Variants in OPHN1 observed in about 807,000 individuals in gnomAD.
OPHN1 encodes the protein oligophrenin 1, also known as oligophrenin-1.
A neutral mutation model predicts 60.7 loss-of-function variants in OPHN1; 11 were observed. That is an observed-to-expected ratio of 0.18 (90% CI 0.11 to 0.30). The LOEUF is 0.30. Ranked by LOEUF, OPHN1 falls within the 10% of genes least tolerant of loss-of-function variation. The pLI, the probability that OPHN1 is intolerant of heterozygous loss-of-function variation, is 1.00. For missense variants in OPHN1, 449 were observed against 611.0 expected (o/e 0.73, Z 2.80); for synonymous variants, 226 against 222.6 (o/e 1.02, Z -0.14).
rs2076819735 is a variant in OPHN1, at chrX:68,042,681, A to G, written c.*4491T>C. On this transcript the variant is annotated 3_prime_UTR_variant, in exon 25 of 25. Transcript: ENST00000355520. ...CAAAACCACTATGAGATATCATCTC[A>G]CACCAGTTAGAATGGCAATCATTAA... The G allele has an allele frequency of 3.2e-5, 3 of 92,327 alleles. No homozygotes were observed. The South Asian group carries it at 1.9e-3, about 58-fold the overall frequency. 7.6% of individuals were successfully genotyped at this position (92,327 alleles called of 1,213,427 possible).
intron 20 of OPHN1, chrX:68,071,657 G>A (rs1160868868): frequency 3.7e-6 from 2 of 546,168 alleles, no homozygotes; most frequent in East Asian, 6.6e-5. Flanking sequence ...TAATCCTCTG[G>A]TTGTTTGTTA....
At chrX:68,261,358 C>A (rs763003847) in intron 5 of OPHN1, among the ~76,000 whole-genome samples, 2 of 111,819 alleles carry the variant, frequency 1.8e-5, no homozygotes, top group Non-Finnish European at 3.8e-5. Flanking sequence ...ATGACTGAGT[C>A]TTTATTCTGC....
chrX:68,054,396 T>C lies in OPHN1; in HGVS notation c.2159-586A>G, dbSNP rs947589796. ...ATAGTGAAACAGGTAAACTCACACA[T>C]TGCTGGTGGCAATGTGAACTGGGCT... On this transcript the variant is annotated intron_variant, in intron 21 of 24. Coordinates refer to ENST00000355520, the MANE Select transcript of OPHN1 (RefSeq NM_002547.3). 2.7e-5 allele frequency among the ~76,000 whole-genome samples: 3 copies of C among 110,827 alleles called. No homozygotes were observed. The South Asian group carries it at 1.2e-3, about 43-fold the overall frequency.
chrX:68,332,264 G>C (rs1034500355), intron 2 of OPHN1, among the ~76,000 whole-genome samples: 3 of 110,945 alleles, frequency 2.7e-5, no homozygotes, highest in African/African-American at 9.8e-5. Context: ...CATGACGTTT[G>C]TGGCAGCAAC....
intron 15 of OPHN1, among the ~76,000 whole-genome samples, chrX:68,155,598 A>G (rs1285070204): frequency 1.8e-5 from 2 of 112,199 alleles, no homozygotes; most frequent in African/African-American, 6.5e-5. Flanking sequence ...TCTTTACAGC[A>G]GTGTAAAAAC....
chrX:68,166,650 A>C (rs1221379699), intron 15 of OPHN1, among the ~76,000 whole-genome samples: 1 of 112,356 alleles, frequency 8.9e-6, no homozygotes, highest in Non-Finnish European at 1.9e-5. Flanking sequence ...CTACACAGCT[A>C]TAGTAACCAA....
At chrX:68,279,237 C>T (rs1421901512) in intron 4 of OPHN1, among the ~76,000 whole-genome samples, 6 of 102,284 alleles carry the variant, frequency 5.9e-5, no homozygotes, top group Non-Finnish European at 1.2e-4. Flanking sequence ...CTCAGCCTCC[C>T]GAGTAGCTGG....
chrX:68,369,769 A>T (rs1411082911), intron 2 of OPHN1, among the ~76,000 whole-genome samples: 1 of 108,665 alleles, frequency 9.2e-6, no homozygotes, highest in East Asian at 2.9e-4. Flanking sequence ...ATGGCCAAAA[A>T]TGTCCCCAAT....
chrX:68,093,276 C>G (rs1190661657), intron 19 of OPHN1, among the ~76,000 whole-genome samples: 2 of 111,688 alleles, frequency 1.8e-5, no homozygotes, highest in African/African-American at 6.5e-5. Context: ...TGACCCTGGA[C>G]AAGTCACTTA....
intron 16 of OPHN1, among the ~76,000 whole-genome samples, chrX:68,117,919 A>G (rs772828925): frequency 8.5e-4 from 95 of 112,118 alleles, no homozygotes; most frequent in African/African-American, 2.9e-3. Flanking sequence ...GAATAATGCA[A>G]TGTGGGGAAG....
chrX:68,088,411 T>C, intron 19 of OPHN1, among the ~76,000 whole-genome samples: 1 of 112,024 alleles, frequency 8.9e-6, no homozygotes, highest in Non-Finnish European at 1.9e-5. Context: ...GTGAGTTTTC[T>C]ACTAAGAATG....
intron 15 of OPHN1, among the ~76,000 whole-genome samples, chrX:68,136,787 T>C (rs954321306): frequency 8.9e-6 from 1 of 112,054 alleles, no homozygotes; most frequent in Non-Finnish European, 1.9e-5. Flanking sequence ...ATAGTATCAG[T>C]GGTATGTTTC....
Position 68,071,431 on chromosome X carries a change from G to A in OPHN1, c.1834+1721C>T, listed in dbSNP as rs1010980119. 49 of 884,701 alleles carry A rather than the reference G, an allele frequency of 5.5e-5. No homozygotes were observed. The East Asian group carries it at 1.1e-3, about 20-fold the overall frequency. The allele number at this position is 884,701 out of a possible 1,213,427, so 72.9% of individuals were successfully genotyped here. A position where few individuals can be genotyped will look rare whatever the true frequency, so the allele number is the denominator to read the frequency against. On this transcript the variant is annotated intron_variant, in intron 20 of 24. Transcript: ENST00000355520. ...GTTCTCCAGCAGGATGACAGACCCA[G>A]CAGCTGGGTTGGCACAGGCTTTCTC...
chrX:68,381,556 G>A (rs1318498304), intron 2 of OPHN1, among the ~76,000 whole-genome samples: 10 of 111,423 alleles, frequency 9.0e-5, no homozygotes. Flanking sequence ...CATACTTCCT[G>A]GCATTCCCAC....
chrX:68,055,727 G>A (rs1433570397), intron 21 of OPHN1, among the ~76,000 whole-genome samples: 2 of 112,349 alleles, frequency 1.8e-5, no homozygotes, highest in African/African-American at 6.5e-5. Context: ...TGATAGACTG[G>A]ATTAAGAAAA....
intron 20 of OPHN1, among the ~76,000 whole-genome samples, chrX:68,067,322 TTGGTTTGGC>T (rs1375866950): frequency 9.0e-6 from 1 of 110,981 alleles, no homozygotes; most frequent in Non-Finnish European, 1.9e-5. Flanking sequence ...AATTAAAAGT[TTGGTTTGGC>T]TTGAGCATAG....
At chrX:68,224,317 T>C (rs2077678808) in intron 6 of OPHN1, among the ~76,000 whole-genome samples, 1 of 111,286 alleles carries the variant, frequency 9.0e-6, no homozygotes, top group Non-Finnish European at 1.9e-5. Context: ...CCCAAATAAT[T>C]GGAGATTAAA....
chrX:68,187,280 A>C (rs981562774), intron 15 of OPHN1, among the ~76,000 whole-genome samples: 10 of 111,678 alleles, frequency 9.0e-5, no homozygotes, highest in Non-Finnish European at 1.7e-4. Flanking sequence ...GGTTACAGAT[A>C]GGTTTAAGGT....
intron 6 of OPHN1, among the ~76,000 whole-genome samples, chrX:68,221,089 G>C (rs1449362966): frequency 1.0e-5 from 1 of 98,829 alleles, no homozygotes; most frequent in African/African-American, 3.6e-5. Context: ...CAAAGTCTCA[G>C]GATACAAAAT....
Sources: allele counts gnomAD v4.1 joint callset (sites outside exome capture counted in the v4.1 genomes callset), GRCh38; gene constraint gnomAD v4.1.1; transcripts MANE v1.5; gene names NCBI Gene and HGNC (gene_info 2026-07-23, HGNC 2026-07-21).